The following USP9X variants were observed in gnomAD, a reference collection of about 807,000 sequenced individuals.
USP9X encodes the protein ubiquitin specific peptidase 9 X-linked.
In USP9X, 7 loss-of-function variants were observed where a neutral mutation model predicts 190.3. The ratio of observed to expected loss-of-function variants is 0.04; its 90% CI spans 0.02 to 0.07. USP9X has a LOEUF of 0.07. USP9X is among the 10% of genes least tolerant of loss of function. The pLI, the probability that USP9X is intolerant of heterozygous loss-of-function variation, is 1.00. For missense variants in USP9X, 1,010 were observed against 1,916.9 expected (o/e 0.53, Z 8.83); for synonymous variants, 645 against 659.5 (o/e 0.98, Z 0.34).
rs773038084 is a variant in USP9X at position 41,196,252 on chromosome X, A to C, written c.3979A>C (p.Thr1327Pro). Residue 1327 changes from threonine to proline, a missense_variant and splice_region_variant, in exon 27 of 45, where the codon ACT (threonine) becomes CCT (proline). Thr to Pro is a conservative substitution (Grantham distance 38, BLOSUM62 -1). Transcript: ENST00000378308. ...IDLLLHCHSKTVRQVAQEQFF... is the reference protein window; with the variant it reads ...IDLLLHCHSKPVRQVAQEQFF... ...AATGTGAAACATTTTTTATTTCAGA[A>C]CTGTTCGTCAGGTGGCACAGGAGCA... is the stretch of plus-strand genomic sequence containing the variant. 8.3e-7 allele frequency: 1 copy of C among 1,210,281 alleles called. No individual in the cohort carries two copies. The highest frequency in any genetic ancestry group is 1.1e-6 in the Non-Finnish European group (1 of 894,682).
At chrX:41,131,273 G>A (rs1601957318) in intron 3 of USP9X, among the ~76,000 whole-genome samples, 184 bp from the exon 4 acceptor site, 1 of 111,054 alleles carries the variant, frequency 9.0e-6, no homozygotes, top group East Asian at 2.8e-4. Context: ...AATTTGTAGA[G>A]ACATCAGGTG....
rs764088586 is a variant in USP9X at position 41,232,501 on chromosome X, C to T, written c.7642C>T (p.Pro2548Ser). 1.7e-6 allele frequency: 2 copies of T among 1,208,698 alleles called. No individual in the cohort carries two copies. The highest frequency in any genetic ancestry group is 1.8e-5 in the South Asian group (1 of 56,658). ...TTATGAAGGCAGTGAAGAAGTATCC[C>T]CACCTCAAACCAAGGATCAATGAAA... ...ENYEGSEEVS[P>S]PQTKDQ is the part of the protein sequence containing the mutation. Residue 2548 changes from proline to serine, a missense_variant, in exon 45 of 45, where the codon CCA (proline) becomes TCA (serine). Pro to Ser is a moderately conservative substitution (Grantham distance 74). This residue lies in a region of USP9X where 48 missense variants were observed against 60.4 expected (regional missense o/e 0.79). Coordinates refer to ENST00000378308, the MANE Select transcript of USP9X (RefSeq NM_001039591.3).
chrX:41,197,545 C>G (rs201682093), intron 29 of USP9X, 35 bp downstream of exon 29: 110 of 1,148,937 alleles, frequency 9.6e-5, no homozygotes, highest in Middle Eastern at 7.6e-4. Flanking sequence ...AGCTACATAT[C>G]ATAACCTTCT....
intron 20 of USP9X, 82 bp downstream of exon 20, chrX:41,170,701 T>C: frequency 1.0e-6 from 1 of 982,119 alleles, no homozygotes; most frequent in Non-Finnish European, 1.3e-6. Flanking sequence ...AGTGGTTCTT[T>C]CTTTTCTTGA....
intron 33 of USP9X, among the ~76,000 whole-genome samples, chrX:41,211,572 C>T (rs1427518395): frequency 8.8e-6 from 1 of 113,470 alleles, no homozygotes; most frequent in Non-Finnish European, 1.9e-5. Flanking sequence ...TACCCCCGTC[C>T]GGGAGGTGAG....
intron 44 of USP9X, among the ~76,000 whole-genome samples, chrX:41,230,909 G>A (rs779538240): frequency 3.6e-5 from 4 of 111,264 alleles, no homozygotes; most frequent in Non-Finnish European, 5.7e-5. Context: ...TGACATTTCC[G>A]GTGAGGTAAA....
intron 21 of USP9X, among the ~76,000 whole-genome samples, chrX:41,174,914 G>A (rs996755686): frequency 9.0e-6 from 1 of 111,427 alleles, no homozygotes. Flanking sequence ...GACCTGGGAG[G>A]CGGAGGTTGC....
Position 41,190,483 on chromosome X carries a change from C to A in USP9X, c.3977+1008C>A, listed in dbSNP as rs191327706. Among the ~76,000 whole-genome samples the A allele has an allele frequency of 1.3e-4, 14 of 111,306 alleles. No individual in the cohort carries two copies. The Admixed American group carries it at 1.3e-3, about 11-fold the overall frequency. On this transcript the variant is annotated intron_variant, in intron 26 of 44. Coordinates refer to ENST00000378308, the MANE Select transcript of USP9X (RefSeq NM_001039591.3). ...CCCACAAATCGGGTTGGGCGTGCTA[C>A]CTCCTTGAGAAGACAATCCTGCACG...
rs1295402799 is a variant in USP9X, at chrX:41,086,108, C to T, written c.-160C>T. On this transcript the variant is annotated splice_region_variant and 5_prime_UTR_variant, in exon 1 of 45. Coordinates refer to ENST00000378308, the MANE Select transcript of USP9X (RefSeq NM_001039591.3). ...GTTGTGAGAAGACGTCTGTGTCGTG[C>T]GGTGAGTGGCCAGCTGCACTGGGGC... 1.0e-5 allele frequency: 3 copies of T among 295,237 alleles called. No homozygotes were observed. The highest frequency in any genetic ancestry group is 1.8e-5 in the Non-Finnish European group (3 of 169,717). 24.3% of individuals were successfully genotyped at this position (295,237 alleles called of 1,213,427 possible).
intron 1 of USP9X, among the ~76,000 whole-genome samples, chrX:41,115,234 AAG>A: frequency 1.4e-5 from 1 of 69,863 alleles, no homozygotes; most frequent in Non-Finnish European, 3.1e-5. Context: ...AAAAAAAAAA[AAG>A]AAAAAGAAAA....
rs867009910 is a variant in USP9X, at chrX:41,141,128, T to C, written c.933T>C (p.Ile311=). ...EAKNDALSMI[I]KSLKNLASRV... ...AAAATGATGCTCTTTCAATGATTATTAAATCTTTGAAGAATTTAGCTTCAA... is the reference window on the plus strand; with the variant it reads ...AAAATGATGCTCTTTCAATGATTATCAAATCTTTGAAGAATTTAGCTTCAA... Residue 311 remains isoleucine, a synonymous_variant, in exon 8 of 45, where the codon ATT becomes ATC. Coordinates refer to ENST00000378308, the MANE Select transcript of USP9X (RefSeq NM_001039591.3). 5 of 1,204,682 alleles carry C rather than the reference T, an allele frequency of 4.2e-6. No individual in the cohort carries two copies. The Middle Eastern group carries it at 1.2e-3, about 278-fold the overall frequency.
intron 21 of USP9X, among the ~76,000 whole-genome samples, chrX:41,181,927 A>G (rs959408624): frequency 1.8e-5 from 2 of 111,746 alleles, no homozygotes; most frequent in African/African-American, 6.5e-5. Flanking sequence ...CAAGATTATG[A>G]CTGGCTTAAA....
At chrX:41,193,859 CA>C (rs749396252) in intron 26 of USP9X, among the ~76,000 whole-genome samples, 2 of 111,654 alleles carry the variant, frequency 1.8e-5, no homozygotes, top group East Asian at 5.6e-4. Flanking sequence ...AAGATAGAGG[CA>C]ACAGGATTAG....
At chrX:41,229,164 G>T in intron 41 of USP9X, 89 bp from the exon 42 acceptor site, 1 of 630,828 alleles carries the variant, frequency 1.6e-6, no homozygotes, top group African/African-American at 2.3e-5. Flanking sequence ...ATGACTAAAA[G>T]ACATTATTGA....
At chrX:41,183,096 G>A (rs953044728) in intron 21 of USP9X, among the ~76,000 whole-genome samples, 4 of 109,811 alleles carry the variant, frequency 3.6e-5, no homozygotes, top group African/African-American at 9.9e-5. Context: ...ATGCCACCAC[G>A]CCCGGCTGGT....
At chrX:41,161,049 A>C (rs1381376724) in intron 14 of USP9X, among the ~76,000 whole-genome samples, 1 of 111,169 alleles carries the variant, frequency 9.0e-6, no homozygotes, top group Non-Finnish European at 1.9e-5. Flanking sequence ...CCTAGACAGA[A>C]CAGTCCTGTA....
chrX:41,089,565 AT>A (rs2061938353), intron 1 of USP9X, among the ~76,000 whole-genome samples: 1 of 111,746 alleles, frequency 8.9e-6, no homozygotes, highest in African/African-American at 3.3e-5. Flanking sequence ...ATTACACAAC[AT>A]TCCTAAAAGG....
At chrX:41,094,900 CATG>C (rs2061978694) in intron 1 of USP9X, among the ~76,000 whole-genome samples, 1 of 109,530 alleles carries the variant, frequency 9.1e-6, no homozygotes. Flanking sequence ...ATTAGCCAGG[CATG>C]GTGGTGTGCA....
intron 33 of USP9X, among the ~76,000 whole-genome samples, chrX:41,211,630 G>A (rs1044688638): frequency 8.1e-5 from 9 of 111,024 alleles, no homozygotes; most frequent in Non-Finnish European, 1.5e-4. Flanking sequence ...GAGCCCCTCT[G>A]CCCGGCCAGC....
Sources: gnomAD v4.1 joint callset for allele counts (sites outside exome capture counted in the v4.1 genomes callset) on GRCh38, gnomAD v4.1.1 for gene constraint, gnomAD v4.1.1 regional missense constraint, MANE v1.5 for transcripts, NCBI Gene and HGNC (gene_info 2026-07-23, HGNC 2026-07-21) for gene names.